The following CUX1 variants were observed in gnomAD, a reference collection of about 807,000 sequenced individuals.
CUX1 encodes cut like homeobox 1.
Under a neutral mutation model 158.8 loss-of-function variants are expected in CUX1, and 31 were observed. The ratio of observed to expected loss-of-function variants is 0.20; its 90% CI spans 0.15 to 0.26. The LOEUF is 0.26. Ranked by LOEUF, CUX1 falls within the 10% of genes least tolerant of loss-of-function variation. CUX1 has a pLI of 1.00. For synonymous variants in CUX1, 879 were observed against 862.1 expected (o/e 1.02, Z -0.34); for missense variants, 1,589 against 2,014.6 (o/e 0.79, Z 4.04).
intron 8 of CUX1, among the ~76,000 whole-genome samples, chr7:102,146,465 G>A (rs1282846681): frequency 1.3e-5 from 2 of 152,210 alleles, no homozygotes; most frequent in Non-Finnish European, 2.9e-5. Flanking sequence ...CTGGCTAAAG[G>A]AAGATTTTAT....
At position 102,250,710 on chromosome 7, in the gene CUX1, A is replaced by G. The variant is rs552079418; in HGVS notation, c.*1668A>G. 4 of 985,410 alleles carry G rather than the reference A, an allele frequency of 4.1e-6. No homozygotes were observed. Among genetic ancestry groups the G allele is most frequent in the African/African-American group, 3.5e-5 (2 of 57,346 alleles). The allele number at this position is 985,410 out of a possible 1,614,324, so 61.0% of individuals were successfully genotyped here. ...TTTAGGGCAGTCTAAGTACAAACTG[A>G]AAGTCTAACTTGTCTCTGATTCCTC... On this transcript the variant is annotated 3_prime_UTR_variant, in exon 24 of 24. Coordinates refer to ENST00000292535, the MANE Select transcript of CUX1 (RefSeq NM_181552.4).
chr7:101,926,365 A>G (rs1003345639), intron 2 of CUX1, among the ~76,000 whole-genome samples: 3 of 152,142 alleles, frequency 2.0e-5, no homozygotes, highest in Non-Finnish European at 4.4e-5. Flanking sequence ...TGGGACCAGT[A>G]ATGAAGGCAA....
At chr7:102,145,217 A>G (rs1417389130) in intron 8 of CUX1, among the ~76,000 whole-genome samples, 1 of 151,366 alleles carries the variant, frequency 6.6e-6, no homozygotes, top group Non-Finnish European at 1.5e-5. Context: ...TTTCCTTGCA[A>G]TGTATTTGTG....
intron 20 of CUX1, among the ~76,000 whole-genome samples, chr7:102,213,989 G>C (rs577459704): frequency 6.6e-6 from 1 of 152,278 alleles, no homozygotes; most frequent in East Asian, 1.9e-4. Flanking sequence ...AAAAAAATTA[G>C]CTGGGTGTGG....
chr7:102,276,655 A>G (rs188145888), intron 17 of CUX1, among the ~76,000 whole-genome samples: 288 of 152,342 alleles, frequency 1.9e-3, no homozygotes, highest in African/African-American at 6.7e-3. Context: ...ATTTGAATAA[A>G]TTGAAAACTG....
In CUX1 at chr7:102,206,213, G is replaced by GT. The variant is rs556880608; in HGVS notation, c.3130+1045dup. 3.2e-3 allele frequency among the ~76,000 whole-genome samples: 482 copies of GT among 152,232 alleles called. 2 individuals carry two copies. Among genetic ancestry groups the GT allele is most frequent in the Non-Finnish European group, 5.3e-3 (360 of 68,026 alleles). On this transcript the variant is annotated intron_variant, in intron 20 of 23. Transcript: ENST00000292535. ...CACCTCGGTGGCATCCAAGTCCCCA[G>GT]TTGAGAGTTCTGCGTGTTTTCCGTG...
chr7:101,956,344 A>G (rs1809786234), intron 2 of CUX1, among the ~76,000 whole-genome samples: 1 of 152,134 alleles, frequency 6.6e-6, no homozygotes, highest in African/African-American at 2.4e-5. Flanking sequence ...GGCCTTTTGC[A>G]GAGATAGATG....
chr7:102,220,405 C>A (rs1480027021), intron 20 of CUX1, among the ~76,000 whole-genome samples: 1 of 152,236 alleles, frequency 6.6e-6, no homozygotes, highest in Non-Finnish European at 1.5e-5. Context: ...TGCTGTTCCC[C>A]TTTGATGCTG....
chr7:102,248,543 G>A lies in CUX1; in HGVS notation c.4019G>A (p.Gly1340Asp). ...AGCTCGGAGGGCGACAGCTGCGACGGCGTGGAGGCCACTGAGGGCCCAGGC... is the reference window on the plus strand; with the variant it reads ...AGCTCGGAGGGCGACAGCTGCGACGACGTGGAGGCCACTGAGGGCCCAGGC... Reference protein sequence around the residue: ...APSSEGDSCDGVEATEGPGSA... With the variant: ...APSSEGDSCDDVEATEGPGSA... The change falls in exon 24 of 24, where the codon GGC becomes GAC. Residue 1340 changes from glycine to aspartate, a missense_variant. Around this residue, in one of 8 missense-constraint regions of CUX1, gnomAD observed 344 missense variants for 323.7 expected, o/e 1.06. Coordinates refer to ENST00000292535, the MANE Select transcript of CUX1 (RefSeq NM_181552.4). The surrounding 1 kb of genome is among the most constrained non-coding windows in gnomAD (Gnocchi z 5.8). The A allele has an allele frequency of 6.6e-7, 1 of 1,508,638 alleles. No homozygotes were observed. The highest frequency in any genetic ancestry group is 8.8e-7 in the Non-Finnish European group (1 of 1,132,366). The allele number at this position is 1,508,638 out of a possible 1,614,324, so 93.5% of individuals were successfully genotyped here. A position where few individuals can be genotyped will look rare whatever the true frequency, so the allele number is the denominator to read the frequency against.
intron 2 of CUX1, among the ~76,000 whole-genome samples, chr7:101,964,462 G>C (rs1411016363): frequency 6.6e-6 from 1 of 152,172 alleles, no homozygotes; most frequent in Non-Finnish European, 1.5e-5. Flanking sequence ...GATGTTATCG[G>C]CCCTGAGGGT....
chr7:102,211,889 G>A (rs970010281), intron 20 of CUX1, among the ~76,000 whole-genome samples: 30 of 151,950 alleles, frequency 2.0e-4, no homozygotes, highest in Admixed American at 4.6e-4. Flanking sequence ...GGCAGGCCGC[G>A]CGGGAGCAGC....
chr7:102,282,805 A>G, intron 22 of CUX1: 1 of 1,224,394 alleles, frequency 8.2e-7, no homozygotes, highest in Non-Finnish European at 1.0e-6. Flanking sequence ...GCCCCCCCTC[A>G]GCCCCACAGC....
chr7:102,000,584 G>A (rs1816571766), intron 2 of CUX1, among the ~76,000 whole-genome samples: 1 of 152,180 alleles, frequency 6.6e-6, no homozygotes, highest in Admixed American at 6.5e-5. Flanking sequence ...TCCAAAAATA[G>A]CCAGATCCCG....
intron 6 of CUX1, among the ~76,000 whole-genome samples, chr7:102,108,837 C>A (rs1554489310): frequency 6.6e-6 from 1 of 151,794 alleles, no homozygotes; most frequent in Admixed American, 6.6e-5. Context: ...TCACTGCAAC[C>A]TCCACCTCCT....
At chr7:101,830,262 G>A (rs527264800) in intron 1 of CUX1, among the ~76,000 whole-genome samples, 4 of 152,316 alleles carry the variant, frequency 2.6e-5, no homozygotes, top group African/African-American at 7.2e-5. Context: ...CACCCACCAC[G>A]CAGGCTTCTG....
chr7:101,989,338 C>T (rs991383541), intron 2 of CUX1, among the ~76,000 whole-genome samples: 22 of 152,230 alleles, frequency 1.4e-4, no homozygotes, highest in Admixed American at 1.2e-3. Flanking sequence ...AAATAGCAGG[C>T]GTGGCTGACC....
At chr7:102,279,266 G>A (rs1791868784) in intron 18 of CUX1, among the ~76,000 whole-genome samples, 1 of 152,130 alleles carries the variant, frequency 6.6e-6, no homozygotes, top group African/African-American at 2.4e-5. Context: ...GCTTGAACCT[G>A]AGAGGTGGAG....
At chr7:101,965,638 G>A (rs440923) in intron 2 of CUX1, among the ~76,000 whole-genome samples, 84,993 of 151,384 alleles carry the variant, frequency 0.56, 25,304 homozygotes, top group Middle Eastern at 0.7. Flanking sequence ...ACGAGGTCAG[G>A]AGATCGAGAC....
intron 6 of CUX1, among the ~76,000 whole-genome samples, chr7:102,109,429 T>G (rs1462172264): frequency 2.0e-5 from 3 of 152,208 alleles, no homozygotes; most frequent in African/African-American, 7.2e-5. Flanking sequence ...ACTTACATAT[T>G]GTTGGTGGGA....
Sources: allele counts gnomAD v4.1 joint callset (sites outside exome capture counted in the v4.1 genomes callset), GRCh38; gene constraint gnomAD v4.1.1; regional missense constraint gnomAD v4.1.1; non-coding constraint Gnocchi (gnomAD v3.1); transcripts MANE v1.5; gene names NCBI Gene and HGNC (gene_info 2026-07-23, HGNC 2026-07-21).